Variants in WNK1 observed in about 807,000 individuals in gnomAD.
WNK1 encodes the protein WNK lysine deficient protein kinase 1.
A neutral mutation model predicts 222.8 loss-of-function variants in WNK1; 38 were observed. The ratio of observed to expected loss-of-function variants is 0.17; its 90% CI spans 0.13 to 0.22. The LOEUF (loss-of-function observed/expected upper bound fraction) is 0.22, where lower values mean the gene tolerates loss of function less well. Among genes scored for constraint, WNK1 ranks in the 10% least tolerant of loss-of-function variants. WNK1 has a pLI of 1.00. For missense variants in WNK1, 2,348 were observed against 2,918.4 expected (o/e 0.80, Z 4.50); for synonymous variants, 1,090 against 1,092.9 (o/e 1.00, Z 0.05).
chr12:897,794 GCT>G, intron 25 of WNK1, 113 bp downstream of exon 25: 1 of 1,161,970 alleles, frequency 8.6e-7, no homozygotes, highest in Non-Finnish European at 1.2e-6. Flanking sequence ...AAGGAATTTG[GCT>G]CTCCTGATAT....
chr12:883,493 C>T lies in WNK1; in HGVS notation c.3588C>T (p.Val1196=), dbSNP rs764577244. The T allele has an allele frequency of 6.2e-7, 1 of 1,611,852 alleles. No individual in the cohort carries two copies. The highest frequency in any genetic ancestry group is 8.5e-7 in the Non-Finnish European group (1 of 1,179,056). The change falls in exon 16 of 28, where the codon GTC becomes GTT. Residue 1196 remains valine (V), a synonymous_variant. Coordinates refer to ENST00000315939, the MANE Select transcript of WNK1 (RefSeq NM_018979.4). ...EKADEMLSED[V]SVEPEGDQGL... ...CTGATGAAATGCTCAGTGAGGATGTCAGTGTGGAACCAGAGGGTGATCAGG... is the reference window on the plus strand; with the variant it reads ...CTGATGAAATGCTCAGTGAGGATGTTAGTGTGGAACCAGAGGGTGATCAGG...
chr12:908,361 TACAG>T, intron 27 of WNK1, 110 bp from the exon 28 acceptor site: 1 of 1,149,284 alleles, frequency 8.7e-7, no homozygotes, highest in Non-Finnish European at 1.3e-6. Context: ...CAATAAATAC[TACAG>T]AAGACTGTTC....
At chr12:832,107 G>A (rs1016776282) in intron 4 of WNK1, among the ~76,000 whole-genome samples, 4 of 151,736 alleles carry the variant, frequency 2.6e-5, no homozygotes, top group African/African-American at 7.3e-5. Flanking sequence ...ACGGCGTCTC[G>A]CTCTGTCGCC....
chr12:778,831 C>G (rs1484861931), intron 1 of WNK1, among the ~76,000 whole-genome samples: 1 of 152,088 alleles, frequency 6.6e-6, no homozygotes, highest in African/African-American at 2.4e-5. Flanking sequence ...TATGACTTCT[C>G]TCTCGTGCTG....
rs1359405566 is a variant in WNK1 at position 862,283 on chromosome 12, T to G, written c.2139+13T>G. 6.2e-7 allele frequency: 1 copy of G among 1,613,690 alleles called. No individual in the cohort carries two copies. The highest frequency in any genetic ancestry group is 1.1e-5 in the South Asian group (1 of 91,076). On this transcript the variant is annotated intron_variant, in intron 8 of 27. Coordinates refer to ENST00000315939, the MANE Select transcript of WNK1 (RefSeq NM_018979.4). ...ACCCTCAAGTGTGGTAAGTAAATGC[T>G]TAAGAGCATGTAATACTACAATGAG...
intron 10 of WNK1, 99 bp from the exon 11 acceptor site, chr12:879,473 CT>C: frequency 1.8e-6 from 1 of 558,700 alleles, no homozygotes. Context: ...TTTTTTCCTT[CT>C]TTTTGGCTAA....
At chr12:897,388 A>T in intron 24 of WNK1, 91 bp from the exon 25 acceptor site, 1 of 864,492 alleles carries the variant, frequency 1.2e-6, no homozygotes. Context: ...ACTACTACAT[A>T]CTTGAAAGCA....
chr12:758,223 A>G (rs1039529107), intron 1 of WNK1, among the ~76,000 whole-genome samples: 1 of 146,014 alleles, frequency 6.8e-6, no homozygotes, highest in Admixed American at 6.8e-5. Flanking sequence ...AAGCTCCAAT[A>G]TACTTAACTG....
rs527470359 is a variant in WNK1, at chr12:812,908, G to C, written c.760-734G>C. On this transcript the variant is annotated intron_variant, in intron 1 of 27. Coordinates refer to ENST00000315939, the MANE Select transcript of WNK1 (RefSeq NM_018979.4). ...GAGATACTGAGAATTTTCCTGACTTGAAGACAAATACTTGAGTATTTAAGT... is the reference window on the plus strand; with the variant it reads ...GAGATACTGAGAATTTTCCTGACTTCAAGACAAATACTTGAGTATTTAAGT... Among the ~76,000 whole-genome samples, 6 of 152,112 alleles carry C rather than the reference G, an allele frequency of 3.9e-5. 1 individual carries two copies. The highest frequency in any genetic ancestry group is 1.4e-4 in the African/African-American group (6 of 41,504).
At chr12:880,695 A>T in intron 11 of WNK1, 26 bp from the exon 12 acceptor site, 1 of 1,611,306 alleles carries the variant, frequency 6.2e-7, no homozygotes, top group Non-Finnish European at 8.5e-7. Context: ...ACCTGCTCTA[A>T]CTCACCTTCC....
At chr12:802,383 A>T (rs1253125445) in intron 1 of WNK1, among the ~76,000 whole-genome samples, 1 of 152,180 alleles carries the variant, frequency 6.6e-6, no homozygotes, top group Non-Finnish European at 1.5e-5. Context: ...GAAACTGGCA[A>T]CAGTACTGCT....
At chr12:864,811 A>C (rs1396732867) in intron 8 of WNK1, among the ~76,000 whole-genome samples, 1 of 152,118 alleles carries the variant, frequency 6.6e-6, no homozygotes, top group East Asian at 1.9e-4. Flanking sequence ...GTCATTCTTA[A>C]ATTCATACAC....
At chr12:850,371 G>A (rs1258494265) in intron 4 of WNK1, among the ~76,000 whole-genome samples, 5 of 152,164 alleles carry the variant, frequency 3.3e-5, no homozygotes, top group Admixed American at 6.5e-5. Context: ...GTCTTCTTTT[G>A]AGAAGTGTCT....
intron 4 of WNK1, among the ~76,000 whole-genome samples, chr12:843,806 C>G (rs992928007): frequency 6.6e-6 from 1 of 152,168 alleles, no homozygotes; most frequent in Non-Finnish European, 1.5e-5. Context: ...TGGCCCCATT[C>G]CAGGCCTGTT....
chr12:854,375 T>TTTTTA (rs1950623681), intron 4 of WNK1, among the ~76,000 whole-genome samples: 2 of 147,668 alleles, frequency 1.4e-5, no homozygotes, highest in African/African-American at 2.5e-5. Context: ...TTGTTTTTTT[T>TTTTTA]GAGACAGAGG....
chr12:901,665 C>A, intron 26 of WNK1: 9 of 1,252,146 alleles, frequency 7.2e-6, no homozygotes, highest in Non-Finnish European at 8.4e-6. Context: ...TGTGTAACAC[C>A]TTTACTCCTT....
In WNK1 at chr12:776,313, TGTGAGACAC is replaced by T. The variant is rs1206247702; in HGVS notation, c.759+21990_759+21998del. ...CCTCCCAACGTGCTGGGATTACAGG[TGTGAGACAC>T]TGTGGCCTTTTTCAGTTTTCAAGCT... On this transcript the variant is annotated intron_variant, in intron 1 of 27. Transcript: ENST00000315939. 2.6e-5 allele frequency among the ~76,000 whole-genome samples: 4 copies of T among 152,054 alleles called. No individual in the cohort carries two copies. The East Asian group carries it at 7.7e-4, about 29-fold the overall frequency.
chr12:806,840 AG>A (rs1797090955), intron 1 of WNK1, among the ~76,000 whole-genome samples: 1 of 152,252 alleles, frequency 6.6e-6, no homozygotes, highest in African/African-American at 2.4e-5. Flanking sequence ...CACTTAAGTC[AG>A]ACCTTGCCAG....
At position 909,350 on chromosome 12, in the gene WNK1, G is replaced by C. The variant is rs1364847769; in HGVS notation, c.*558G>C. ...GGGGTGCAACTCTTTCTTATGATAG[G>C]TCATTAGTGCTTTAAGCAAAAGATA... On this transcript the variant is annotated 3_prime_UTR_variant, in exon 28 of 28. Coordinates refer to ENST00000315939, the MANE Select transcript of WNK1 (RefSeq NM_018979.4). 1.3e-5 allele frequency: 2 copies of C among 153,662 alleles called. No homozygotes were observed. The highest frequency in any genetic ancestry group is 2.9e-5 in the Non-Finnish European group (2 of 69,320). 9.5% of individuals were successfully genotyped at this position (153,662 alleles called of 1,614,324 possible). A position where few individuals can be genotyped will look rare whatever the true frequency, so the allele number is the denominator to read the frequency against.
Sources: allele counts gnomAD v4.1 joint callset (sites outside exome capture counted in the v4.1 genomes callset), GRCh38; gene constraint gnomAD v4.1.1; transcripts MANE v1.5; gene names NCBI Gene and HGNC (gene_info 2026-07-23, HGNC 2026-07-21).